MTM1: variants seen among roughly 807,000 people sequenced by gnomAD.
MTM1 encodes myotubularin 1.
A neutral mutation model predicts 52.1 loss-of-function variants in MTM1; 9 were observed. The observed-to-expected ratio is 0.17, with a 90% CI of 0.10 to 0.30. MTM1 has a LOEUF of 0.30. Among genes scored for constraint, MTM1 ranks in the 10% least tolerant of loss-of-function variants. The pLI is 1.00. For synonymous variants in MTM1, 136 were observed against 163.8 expected (o/e 0.83, Z 1.29); for missense variants, 277 against 470.7 (o/e 0.59, Z 3.81).
chrX:150,571,159 G>A (rs1170973706), intron 1 of MTM1, among the ~76,000 whole-genome samples: 1 of 112,110 alleles, frequency 8.9e-6, no homozygotes, highest in Non-Finnish European at 1.9e-5. Flanking sequence ...GGATTTCAAA[G>A]GCTGGAGTTT....
chrX:150,648,822 T>C (rs1557414093), intron 9 of MTM1, among the ~76,000 whole-genome samples: 1 of 112,774 alleles, frequency 8.9e-6, no homozygotes, highest in Non-Finnish European at 1.9e-5. Context: ...TGTGCAGTGC[T>C]CTCTCATTGG....
intron 4 of MTM1, among the ~76,000 whole-genome samples, chrX:150,600,938 A>T (rs2039057409): frequency 1.8e-5 from 2 of 111,528 alleles, no homozygotes; most frequent in Admixed American, 9.6e-5. Context: ...ATGTAGTGTG[A>T]CCTCAACTAC....
chrX:150,670,917 T>C (rs1186015928), intron 14 of MTM1, among the ~76,000 whole-genome samples: 1 of 111,950 alleles, frequency 8.9e-6, no homozygotes, highest in African/African-American at 3.3e-5. Context: ...AAGGATGAAA[T>C]TCAGAAAACA....
chrX:150,596,865 T>C lies in MTM1; in HGVS notation c.136+295T>C, dbSNP rs1489561617. The C allele has an allele frequency of 6.1e-5, 15 of 245,761 alleles. No individual in the cohort carries two copies. The East Asian group carries it at 1.2e-3, about 19-fold the overall frequency. The allele number at this position is 245,761 out of a possible 1,213,427, so 20.3% of individuals were successfully genotyped here. ...CTCTCATTGGAGCCATAAGCTCTCATGGTTTAAGGTTTTAAGAGCAAAATG... is the reference window on the plus strand; with the variant it reads ...CTCTCATTGGAGCCATAAGCTCTCACGGTTTAAGGTTTTAAGAGCAAAATG... On this transcript the variant is annotated intron_variant, in intron 3 of 14. Coordinates refer to ENST00000370396, the MANE Select transcript of MTM1 (RefSeq NM_000252.3).
At chrX:150,653,981 T>A (rs1395622079) in intron 10 of MTM1, among the ~76,000 whole-genome samples, 1 of 111,484 alleles carries the variant, frequency 9.0e-6, no homozygotes, top group African/African-American at 3.3e-5. Context: ...GAAACCATGG[T>A]TACTCAATTG....
chrX:150,602,999 G>C (rs2039091392), intron 4 of MTM1, among the ~76,000 whole-genome samples: 3 of 111,979 alleles, frequency 2.7e-5, no homozygotes. Flanking sequence ...TGAGAAGGAA[G>C]AAGACGTACA....
In MTM1 at chrX:150,604,671, C is replaced by T. The variant is rs191545802; in HGVS notation, c.231+5985C>T. Among the ~76,000 whole-genome samples, 7 of 111,374 alleles carry T rather than the reference C, an allele frequency of 6.3e-5. No individual in the cohort carries two copies. The Admixed American group carries it at 6.7e-4, about 11-fold the overall frequency. On this transcript the variant is annotated intron_variant, in intron 4 of 14. Transcript: ENST00000370396. The stretch of plus-strand genomic sequence containing the variant: ...CTTTCTAGTCACGTTGCCCTACCCT[C>T]ATCCTCGGTGTCTGTCTCCTAGGCC...
chrX:150,649,915 G>T lies in MTM1; in HGVS notation c.1053+14G>T, dbSNP rs1557414133. The T allele has an allele frequency of 8.5e-7, 1 of 1,176,300 alleles. No homozygotes were observed. Among genetic ancestry groups the T allele is most frequent in the East Asian group, 3.0e-5 (1 of 33,501 alleles). On this transcript the variant is annotated intron_variant, in intron 10 of 14. Transcript: ENST00000370396. ...GAACATATCAAGGCAAGTATATTTTGTGAAAATATTTGTGTATATAAAAAA... is the reference window on the plus strand; with the variant it reads ...GAACATATCAAGGCAAGTATATTTTTTGAAAATATTTGTGTATATAAAAAA...
intron 1 of MTM1, among the ~76,000 whole-genome samples, chrX:150,585,361 C>G (rs1773370651): frequency 9.0e-6 from 1 of 111,619 alleles, no homozygotes; most frequent in African/African-American, 3.3e-5. Flanking sequence ...ATCAGTAATG[C>G]CCAATGCCTG....
chrX:150,652,699 A>T (rs1441049209), intron 10 of MTM1, among the ~76,000 whole-genome samples: 1 of 101,478 alleles, frequency 9.9e-6, no homozygotes, highest in Non-Finnish European at 2.0e-5. Flanking sequence ...ACACACATAC[A>T]TACAGAATTT....
intron 4 of MTM1, among the ~76,000 whole-genome samples, chrX:150,600,490 C>T (rs1401461030): frequency 8.9e-6 from 1 of 111,823 alleles, no homozygotes; most frequent in African/African-American, 3.3e-5. Flanking sequence ...ATAGCCCCAT[C>T]TGAAGTGTTG....
intron 6 of MTM1, among the ~76,000 whole-genome samples, chrX:150,629,611 C>T (rs781990189): frequency 6.2e-5 from 7 of 112,265 alleles, no homozygotes; most frequent in South Asian, 3.7e-4. Flanking sequence ...GTAAACAGAG[C>T]GAATTAATCG....
chrX:150,647,194 A>T (rs868986281), intron 9 of MTM1, among the ~76,000 whole-genome samples: 2 of 83,836 alleles, frequency 2.4e-5, no homozygotes, highest in Admixed American at 1.4e-4. Context: ...TTTCAGGGTG[A>T]ATATATATAT....
chrX:150,598,487 A>G (rs1569565393), intron 3 of MTM1, 105 bp from the exon 4 acceptor site: 1 of 508,443 alleles, frequency 2.0e-6, no homozygotes. Context: ...AATTTTTAAA[A>G]TTGTAGTTAT....
rs139791217 is a variant in MTM1 at position 150,600,861 on chromosome X, C to T, written c.231+2175C>T. On this transcript the variant is annotated intron_variant, in intron 4 of 14. Transcript: ENST00000370396. The stretch of plus-strand genomic sequence containing the variant: ...TTGACTCACCCTGTGTAGCCAGTTC[C>T]ACCTTATGCTGTCACTGATGATGAA... 9.2e-3 allele frequency among the ~76,000 whole-genome samples: 1,027 copies of T among 111,782 alleles called. 6 individuals carry two copies. The highest frequency in any genetic ancestry group is 0.018 in the Middle Eastern group (4 of 217).
At chrX:150,644,428 C>T (rs1557413922) in intron 8 of MTM1, among the ~76,000 whole-genome samples, 1 of 111,635 alleles carries the variant, frequency 9.0e-6, no homozygotes, top group African/African-American at 3.3e-5. Context: ...TAGCATGGTG[C>T]AAGGACCATA....
intron 6 of MTM1, among the ~76,000 whole-genome samples, chrX:150,628,066 CCT>C (rs1239234223): frequency 9.0e-6 from 1 of 111,149 alleles, no homozygotes; most frequent in Non-Finnish European, 1.9e-5. Flanking sequence ...GCATCCTTCC[CCT>C]GAGTGTAGCA....
chrX:150,580,808 T>C (rs782127965), intron 1 of MTM1, among the ~76,000 whole-genome samples: 8 of 111,895 alleles, frequency 7.1e-5, no homozygotes, highest in Non-Finnish European at 1.3e-4. Flanking sequence ...CCTTCTCTAC[T>C]ATGGCAAACT....
intron 9 of MTM1, among the ~76,000 whole-genome samples, chrX:150,649,212 A>G (rs1235146591): frequency 8.9e-6 from 1 of 112,466 alleles, no homozygotes; most frequent in African/African-American, 3.2e-5. Flanking sequence ...ATCACATGGC[A>G]AGGAGAAGCT....
Sources: gnomAD v4.1 joint callset for allele counts (sites outside exome capture counted in the v4.1 genomes callset) on GRCh38, gnomAD v4.1.1 for gene constraint, MANE v1.5 for transcripts, NCBI Gene and HGNC (gene_info 2026-07-23, HGNC 2026-07-21) for gene names.